The following KCNB2 variants were observed in gnomAD, a reference collection of about 807,000 sequenced individuals.
The protein encoded by KCNB2 is delayed rectifier potassium channel protein.
KCNB2 carries 15 observed loss-of-function variants against 61.5 expected under a neutral mutation model. The ratio of observed to expected loss-of-function variants is 0.24; its 90% CI spans 0.16 to 0.38. The LOEUF is 0.38. KCNB2 is among the 10% of genes least tolerant of loss of function. The pLI, the probability that KCNB2 is intolerant of heterozygous loss-of-function variation, is 1.00. For synonymous variants in KCNB2, 457 were observed against 446.0 expected (o/e 1.02, Z -0.31); for missense variants, 828 against 1,125.2 (o/e 0.74, Z 3.78).
intron 1 of KCNB2, among the ~76,000 whole-genome samples, chr8:72,558,572 G>A (rs1040508499): frequency 6.6e-6 from 1 of 152,110 alleles, no homozygotes; most frequent in African/African-American, 2.4e-5. Context: ...ACGAGGTAGT[G>A]GGAATGAGAG....
chr8:72,758,253 A>C (rs1808322940), intron 2 of KCNB2, among the ~76,000 whole-genome samples: 1 of 152,188 alleles, frequency 6.6e-6, no homozygotes, highest in Non-Finnish European at 1.5e-5. Flanking sequence ...GTCCAGCTGA[A>C]ATTGGAGACT....
At chr8:72,867,421 G>T (rs1391678542) in intron 2 of KCNB2, among the ~76,000 whole-genome samples, 1 of 152,230 alleles carries the variant, frequency 6.6e-6, no homozygotes, top group African/African-American at 2.4e-5. Flanking sequence ...GCAGAGGCGG[G>T]TGGATTGCTT....
intron 2 of KCNB2, among the ~76,000 whole-genome samples, chr8:72,584,218 A>T (rs16938241): frequency 0.023 from 3,542 of 152,232 alleles, 134 homozygotes; most frequent in African/African-American, 0.08. Context: ...AGGATTTTTT[A>T]AAAAAGTCAA....
chr8:72,696,093 G>A (rs1807014116), intron 2 of KCNB2, among the ~76,000 whole-genome samples: 1 of 152,210 alleles, frequency 6.6e-6, no homozygotes, highest in Non-Finnish European at 1.5e-5. Context: ...AACCTTGTCA[G>A]GAGACGAGAT....
intron 2 of KCNB2, among the ~76,000 whole-genome samples, chr8:72,924,993 C>T (rs889104782): frequency 2.6e-5 from 4 of 152,108 alleles, no homozygotes; most frequent in African/African-American, 7.2e-5. Flanking sequence ...TCAGCATGGC[C>T]GTCCATATAT....
chr8:72,546,851 A>G (rs958058515), intron 1 of KCNB2, among the ~76,000 whole-genome samples: 3 of 152,192 alleles, frequency 2.0e-5, no homozygotes, highest in Admixed American at 6.5e-5. Flanking sequence ...TCACTGTGTT[A>G]CCCACAACAG....
intron 2 of KCNB2, among the ~76,000 whole-genome samples, chr8:72,569,906 A>G (rs559969142): frequency 6.6e-6 from 1 of 152,308 alleles, no homozygotes; most frequent in Non-Finnish European, 1.5e-5. Flanking sequence ...AGTCAAAGAA[A>G]GTTTGAAAGG....
intron 2 of KCNB2, among the ~76,000 whole-genome samples, chr8:72,867,958 T>A (rs1805557133): frequency 6.6e-6 from 1 of 152,090 alleles, no homozygotes; most frequent in South Asian, 2.1e-4. Context: ...ACAGGAAAAA[T>A]TGTATCCAGT....
At chr8:72,733,866 G>A (rs1337346890) in intron 2 of KCNB2, among the ~76,000 whole-genome samples, 2 of 152,128 alleles carry the variant, frequency 1.3e-5, no homozygotes, top group Non-Finnish European at 2.9e-5. Context: ...GGTGGTTGGA[G>A]GGGGAAGCCT....
intron 2 of KCNB2, among the ~76,000 whole-genome samples, chr8:72,907,661 T>C (rs1390591957): frequency 6.6e-6 from 1 of 152,154 alleles, no homozygotes; most frequent in East Asian, 1.9e-4. Flanking sequence ...AAATCAAAGC[T>C]GTGTTTAAAA....
chr8:72,934,164 A>C (rs1806848912), intron 2 of KCNB2, among the ~76,000 whole-genome samples: 1 of 152,092 alleles, frequency 6.6e-6, no homozygotes, highest in Non-Finnish European at 1.5e-5. Context: ...GTGGATCACA[A>C]GACCAGCCTG....
chr8:72,762,144 C>T (rs771480100), intron 2 of KCNB2, among the ~76,000 whole-genome samples: 6 of 152,198 alleles, frequency 3.9e-5, no homozygotes, highest in Non-Finnish European at 5.9e-5. Flanking sequence ...AAACATGCAA[C>T]CATGTCACCG....
At chr8:72,713,810 GA>G (rs1256685275) in intron 2 of KCNB2, among the ~76,000 whole-genome samples, 1 of 152,212 alleles carries the variant, frequency 6.6e-6, no homozygotes, top group Non-Finnish European at 1.5e-5. Flanking sequence ...GCTGGATGGA[GA>G]ATGACTTTAA....
At chr8:72,556,827 T>G (rs968901860) in intron 1 of KCNB2, among the ~76,000 whole-genome samples, 12 of 152,154 alleles carry the variant, frequency 7.9e-5, no homozygotes, top group Non-Finnish European at 1.8e-4. Context: ...CTTAGTCCTT[T>G]GGGACTATTA....
At chr8:72,923,931 A>G (rs1806583064) in intron 2 of KCNB2, among the ~76,000 whole-genome samples, 1 of 152,170 alleles carries the variant, frequency 6.6e-6, no homozygotes, top group Non-Finnish European at 1.5e-5. Context: ...ACATCTTCAC[A>G]TGCATTATAT....
At chr8:72,807,772 C>A (rs958945838) in intron 2 of KCNB2, among the ~76,000 whole-genome samples, 4 of 152,072 alleles carry the variant, frequency 2.6e-5, no homozygotes, top group Admixed American at 6.6e-5. Context: ...TTGGGTCACG[C>A]ATTTCTTCAG....
At chr8:72,810,896 G>A (rs1452781545) in intron 2 of KCNB2, among the ~76,000 whole-genome samples, 1 of 152,136 alleles carries the variant, frequency 6.6e-6, no homozygotes, top group Non-Finnish European at 1.5e-5. Flanking sequence ...CAGTCAGAAG[G>A]GCAGGGCATC....
intron 2 of KCNB2, among the ~76,000 whole-genome samples, chr8:72,833,740 A>C (rs966655722): frequency 1.3e-5 from 2 of 152,216 alleles, no homozygotes; most frequent in African/African-American, 4.8e-5. Flanking sequence ...GGGAGAATGC[A>C]GTTCCACAGA....
intron 2 of KCNB2, among the ~76,000 whole-genome samples, chr8:72,614,983 T>C (rs1176714157): frequency 6.6e-6 from 1 of 152,110 alleles, no homozygotes; most frequent in Non-Finnish European, 1.5e-5. Context: ...GAGCAGATGA[T>C]AGAAGTGGCT....
Sources: allele counts gnomAD v4.1 joint callset (sites outside exome capture counted in the v4.1 genomes callset), GRCh38; gene constraint gnomAD v4.1.1; transcripts MANE v1.5; gene names NCBI Gene and HGNC (gene_info 2026-07-23, HGNC 2026-07-21).